The following RBM25 variants were observed in gnomAD, a reference collection of about 807,000 sequenced individuals.
RBM25 encodes the protein RNA binding motif protein 25, also known as RNA-binding protein 25.
RBM25 carries 19 observed loss-of-function variants against 120.7 expected under a neutral mutation model. The observed-to-expected ratio is 0.16, with a 90% CI of 0.11 to 0.23. The LOEUF (loss-of-function observed/expected upper bound fraction) is 0.23. RBM25 is among the 10% of genes least tolerant of loss of function. The probability of loss-of-function intolerance (pLI) is 1.00; values close to 1 mark genes in which losing one functional copy is unlikely to be tolerated. For synonymous variants in RBM25, 390 were observed against 326.7 expected, an observed-to-expected ratio of 1.19 and a Z score of -2.09; for missense variants, 605 against 1,041.5, an observed-to-expected ratio of 0.58 and a Z score of 5.77.
At chr14:73,106,813 A>G (rs760606617) in intron 12 of RBM25, among the ~76,000 whole-genome samples, 4 of 151,860 alleles carry the variant, frequency 2.6e-5, no homozygotes, top group South Asian at 2.1e-4. Flanking sequence ...ACACATATAC[A>G]TACATGTATA....
intron 2 of RBM25, among the ~76,000 whole-genome samples, chr14:73,074,672 G>A (rs1466681267): frequency 6.6e-6 from 1 of 151,792 alleles, no homozygotes; most frequent in African/African-American, 2.4e-5. Flanking sequence ...CAGTAGATTG[G>A]GTTTATAGAA....
chr14:73,119,582 A>C, intron 18 of RBM25, 131 bp from the exon 19 acceptor site: 1 of 1,494,356 alleles, frequency 6.7e-7, no homozygotes, highest in African/African-American at 1.4e-5. Flanking sequence ...CAACCTTAAA[A>C]TCTTAACTAG....
chr14:73,076,592 A>G (rs915046607), intron 3 of RBM25, among the ~76,000 whole-genome samples: 6 of 152,200 alleles, frequency 3.9e-5, no homozygotes, highest in African/African-American at 7.2e-5. Context: ...AGATAATTCT[A>G]TGATTTTCCT....
chr14:73,076,398 G>A (rs1464878147), intron 3 of RBM25, 30 bp downstream of exon 3: 5 of 1,571,630 alleles, frequency 3.2e-6, no homozygotes, highest in African/African-American at 1.4e-5. Context: ...GGAATCATGA[G>A]TTATGGTAGT....
Position 73,109,462 on chromosome 14 carries a change from G to A in RBM25, c.1662G>A (p.Gly554=), listed in dbSNP as rs1896258138. 3.7e-6 allele frequency: 6 copies of A among 1,614,106 alleles called. No homozygotes were observed. The East Asian group carries it at 1.1e-4, about 30-fold the overall frequency. The change falls in exon 14 of 19, where the codon GGG becomes GGA. Residue 554 remains glycine, a synonymous_variant. Coordinates refer to ENST00000261973, the MANE Select transcript of RBM25 (RefSeq NM_021239.3). ...EEIRQRLLAE[G]HPDPDAELQR... ...TCAGGCAGCGCCTTCTGGCAGAAGG[G>A]CATCCAGATCCAGATGCAGAGCTCC...
At chr14:73,070,805 G>A (rs1274306107) in intron 1 of RBM25, among the ~76,000 whole-genome samples, 1 of 151,776 alleles carries the variant, frequency 6.6e-6, no homozygotes, top group Non-Finnish European at 1.5e-5. Context: ...AAATTAGCTG[G>A]GCGTGGTGGC....
chr14:73,108,490 G>A (rs973580451), intron 13 of RBM25, among the ~76,000 whole-genome samples: 1 of 152,196 alleles, frequency 6.6e-6, no homozygotes, highest in African/African-American at 2.4e-5. Flanking sequence ...AGTAACAGTT[G>A]TGACAACTGC....
At chr14:73,094,648 G>T (rs1457533832) in intron 6 of RBM25, among the ~76,000 whole-genome samples, 1 of 152,054 alleles carries the variant, frequency 6.6e-6, no homozygotes, top group Non-Finnish European at 1.5e-5. Context: ...AGCCAGGATG[G>T]TCTCCATCTC....
intron 5 of RBM25, among the ~76,000 whole-genome samples, chr14:73,086,865 C>G (rs1418820236): frequency 6.6e-6 from 1 of 152,100 alleles, no homozygotes; most frequent in South Asian, 2.1e-4. Flanking sequence ...CCACCACACC[C>G]AGCTAGTTTT....
At chr14:73,119,269 G>T (rs1024199795) in intron 18 of RBM25, among the ~76,000 whole-genome samples, 1 of 151,382 alleles carries the variant, frequency 6.6e-6, no homozygotes. Context: ...AAACTTTTTT[G>T]TTTTTTTTGT....
intron 9 of RBM25, chr14:73,100,816 A>G (rs1033448754): frequency 3.9e-5 from 6 of 152,354 alleles, no homozygotes; most frequent in Non-Finnish European, 8.8e-5. Context: ...AAATGTGTCT[A>G]AGAGCACAAA....
At chr14:73,118,166 A>G (rs1896473657) in intron 18 of RBM25, among the ~76,000 whole-genome samples, 1 of 152,192 alleles carries the variant, frequency 6.6e-6, no homozygotes, top group Non-Finnish European at 1.5e-5. Context: ...CACATACACA[A>G]TAAATGCTAG....
rs997748334 is a variant in RBM25, at chr14:73,122,823, C to T, written c.*3018C>T. 1.3e-5 allele frequency: 2 copies of T among 152,212 alleles called. No homozygotes were observed. Among genetic ancestry groups the T allele is most frequent in the African/African-American group, 4.8e-5 (2 of 41,452 alleles). The allele number at this position is 152,212 out of a possible 1,614,324, so 9.4% of individuals were successfully genotyped here. ...CTTTGCATTTCTGGACAGCTCCCAGCTAATGTCATTGCCAACTGATCCAAG... is the reference window on the plus strand; with the variant it reads ...CTTTGCATTTCTGGACAGCTCCCAGTTAATGTCATTGCCAACTGATCCAAG... On this transcript the variant is annotated 3_prime_UTR_variant, in exon 19 of 19. Coordinates refer to ENST00000261973, the MANE Select transcript of RBM25 (RefSeq NM_021239.3).
intron 4 of RBM25, among the ~76,000 whole-genome samples, chr14:73,081,146 T>C (rs1346003438): frequency 6.6e-6 from 1 of 151,430 alleles, no homozygotes; most frequent in African/African-American, 2.4e-5. Context: ...TAATTTTTTA[T>C]TTTTTATCTT....
Position 73,122,904 on chromosome 14 carries a change from G to T in RBM25, c.*3099G>T, listed in dbSNP as rs1896561074. On this transcript the variant is annotated 3_prime_UTR_variant, in exon 19 of 19. Transcript: ENST00000261973. ...TATTCAGTATTATTTTATCCTAACA[G>T]ACTACATAAATGCAGCTGAATTTTC... 6.6e-6 allele frequency: 1 copy of T among 152,120 alleles called. No homozygotes were observed. Among genetic ancestry groups the T allele is most frequent in the Admixed American group, 6.6e-5 (1 of 15,266 alleles). 9.4% of individuals were successfully genotyped at this position (152,120 alleles called of 1,614,324 possible). A position where few individuals can be genotyped will look rare whatever the true frequency, so the allele number is the denominator to read the frequency against.
Position 73,111,610 on chromosome 14 carries a change from T to C in RBM25, c.2100T>C (p.Asp700=), listed in dbSNP as rs1219286877. 1 of 1,613,978 alleles carries C rather than the reference T, an allele frequency of 6.2e-7. No individual in the cohort carries two copies. Among genetic ancestry groups the C allele is most frequent in the East Asian group, 2.2e-5 (1 of 44,890 alleles). The change falls in exon 16 of 19, where the codon GAT becomes GAC. Residue 700 remains aspartate (D), a synonymous_variant. Transcript: ENST00000261973. ...ATAGTGTCTTTAACAAATTTGAGGATGAAGACAGTGATGACGTACCCCGAA... is the reference window on the plus strand; with the variant it reads ...ATAGTGTCTTTAACAAATTTGAGGACGAAGACAGTGATGACGTACCCCGAA... ...PVDSVFNKFE[D]EDSDDVPRKR... is the part of the protein sequence containing the mutation.
chr14:73,087,135 G>T (rs1193497228), intron 5 of RBM25, among the ~76,000 whole-genome samples: 1 of 151,942 alleles, frequency 6.6e-6, no homozygotes, highest in East Asian at 1.9e-4. Flanking sequence ...AGATTTATTT[G>T]ATTTTATTTT....
Position 73,122,493 on chromosome 14 carries a change from C to T in RBM25, c.*2688C>T, listed in dbSNP as rs1373746343. 1.3e-5 allele frequency: 2 copies of T among 152,072 alleles called. No homozygotes were observed. The highest frequency in any genetic ancestry group is 2.4e-5 in the African/African-American group (1 of 41,400). The allele number at this position is 152,072 out of a possible 1,614,324, so 9.4% of individuals were successfully genotyped here. The stretch of plus-strand genomic sequence containing the variant: ...ATTTCACCTTGTTGGCCAGGCTGGT[C>T]TCAAACTCCTGACCTCAGGTGATCC... On this transcript the variant is annotated 3_prime_UTR_variant, in exon 19 of 19. Coordinates refer to ENST00000261973, the MANE Select transcript of RBM25 (RefSeq NM_021239.3).
Position 73,113,879 on chromosome 14 carries a change from C to T in RBM25, c.2392-407C>T, listed in dbSNP as rs180824903. On this transcript the variant is annotated intron_variant, in intron 17 of 18. Transcript: ENST00000261973. ...TCTTAACCACTAAGGTATATCTTCC[C>T]ATTGTCTCCTGAAAACATAGTCTTA... is the stretch of plus-strand genomic sequence containing the variant. 1.2e-3 allele frequency among the ~76,000 whole-genome samples: 178 copies of T among 152,210 alleles called. 1 individual carries two copies. Among genetic ancestry groups the T allele is most frequent in the African/African-American group, 4.2e-3 (174 of 41,500 alleles).
Sources: gnomAD v4.1 joint callset for allele counts (sites outside exome capture counted in the v4.1 genomes callset) on GRCh38, gnomAD v4.1.1 for gene constraint, MANE v1.5 for transcripts, NCBI Gene and HGNC (gene_info 2026-07-23, HGNC 2026-07-21) for gene names.